SERPINB8: variants seen among roughly 807,000 people sequenced by gnomAD.
SERPINB8 encodes the protein serpin B8.
Under a neutral mutation model 35.3 loss-of-function variants are expected in SERPINB8, and 25 were observed. That is an observed-to-expected ratio of 0.71 (90% CI 0.52 to 0.99). The LOEUF (loss-of-function observed/expected upper bound fraction) is 0.99, where lower values mean the gene tolerates loss of function less well. SERPINB8 is among the 50% of genes least tolerant of loss of function. The pLI, the probability that SERPINB8 is intolerant of heterozygous loss-of-function variation, is 0.00. For missense variants in SERPINB8, 484 were observed against 446.5 expected, an observed-to-expected ratio of 1.08 and a Z score of -0.76; for synonymous variants, 186 against 160.8, an observed-to-expected ratio of 1.16 and a Z score of -1.19.
At chr18:63,970,976 T>C (rs2050466482) in intron 1 of SERPINB8, among the ~76,000 whole-genome samples, 2 of 152,178 alleles carry the variant, frequency 1.3e-5, no homozygotes, top group African/African-American at 4.8e-5. Context: ...CTCTGGCTGC[T>C]GCTTCACTCC....
intron 7 of SERPINB8, among the ~76,000 whole-genome samples, chr18:64,015,654 T>G (rs1445750901): frequency 2.0e-5 from 3 of 152,210 alleles, no homozygotes. Context: ...TAGTTTCCAG[T>G]GAGAGCATGG....
chr18:63,989,972 A>G (rs1325957015), downstream of SERPINB8, among the ~76,000 whole-genome samples: 1 of 148,158 alleles, frequency 6.7e-6, no homozygotes, highest in African/African-American at 2.5e-5. Context: ...AAAAAAAACC[A>G]AAATGTGCTT....
exon 8 of SERPINB8, chr18:64,019,465 G>C (rs1402941607): frequency 6.6e-6 from 1 of 152,182 alleles, no homozygotes; most frequent in African/African-American, 2.4e-5. Context: ...CCATCCTCCA[G>C]ATTATTGCCA....
chr18:63,982,356 G>T (rs1203063935), intron 4 of SERPINB8, among the ~76,000 whole-genome samples: 4 of 152,150 alleles, frequency 2.6e-5, no homozygotes, highest in Non-Finnish European at 1.5e-5. Flanking sequence ...CATGGAGCCT[G>T]CAGTGTTCCC....
chr18:63,982,247 T>C (rs763365995), intron 4 of SERPINB8, among the ~76,000 whole-genome samples: 4 of 152,206 alleles, frequency 2.6e-5, no homozygotes, highest in South Asian at 2.1e-4. Flanking sequence ...AGTAGTTTGA[T>C]CTGCAGCCTT....
chr18:63,981,989 C>T, intron 4 of SERPINB8, 151 bp downstream of exon 4: 1 of 611,488 alleles, frequency 1.6e-6, no homozygotes, highest in Non-Finnish European at 2.9e-6. Flanking sequence ...AGCAATGCAA[C>T]TCTGTCATTT....
chr18:63,991,507 GATTA>G (rs1345362527), downstream of SERPINB8, among the ~76,000 whole-genome samples: 3 of 151,938 alleles, frequency 2.0e-5, no homozygotes, highest in Non-Finnish European at 4.4e-5. Context: ...TTCAATTTCT[GATTA>G]ATTGTTGCTA....
exon 2 of SERPINB8, chr18:64,005,166 T>C: frequency 3.9e-6 from 1 of 259,564 alleles, no homozygotes; most frequent in Non-Finnish European, 7.2e-6. Flanking sequence ...CCACCACAAC[T>C]CTACCAAAGT....
intron 2 of SERPINB8, among the ~76,000 whole-genome samples, chr18:63,978,987 A>T (rs186013411): frequency 3.3e-5 from 5 of 152,330 alleles, no homozygotes; most frequent in African/African-American, 9.6e-5. Context: ...CAAAATGGTG[A>T]TGTATGACCT....
intron 7 of SERPINB8, among the ~76,000 whole-genome samples, chr18:64,017,475 T>G (rs1378155993): frequency 6.6e-6 from 1 of 152,184 alleles, no homozygotes; most frequent in Non-Finnish European, 1.5e-5. Flanking sequence ...TTGATGATGA[T>G]GATGAAGTTA....
chr18:64,007,028 T>TA (rs1159529558), downstream of SERPINB8, among the ~76,000 whole-genome samples: 3 of 151,686 alleles, frequency 2.0e-5, no homozygotes, highest in African/African-American at 7.3e-5. Flanking sequence ...AGAGAGGATC[T>TA]AAAAAATGAA....
exon 8 of SERPINB8, chr18:64,019,704 G>C (rs1375331450): frequency 6.6e-6 from 1 of 151,962 alleles, no homozygotes; most frequent in South Asian, 2.1e-4. Flanking sequence ...ATAAGTGACA[G>C]TGTGATTTGA....
downstream of SERPINB8, among the ~76,000 whole-genome samples, chr18:63,990,673 C>T (rs927178476): frequency 6.6e-6 from 1 of 151,204 alleles, no homozygotes; most frequent in Non-Finnish European, 1.5e-5. Flanking sequence ...TCCCTCCCCC[C>T]CACCCCACAA....
chr18:63,984,838 A>C (rs2050725725), intron 5 of SERPINB8, among the ~76,000 whole-genome samples: 1 of 151,930 alleles, frequency 6.6e-6, no homozygotes, highest in Non-Finnish European at 1.5e-5. Context: ...GCTTCTTCCA[A>C]GGATAATGTC....
chr18:63,983,446 T>G, intron 4 of SERPINB8, 133 bp from the exon 5 acceptor site: 1 of 780,516 alleles, frequency 1.3e-6, no homozygotes, highest in East Asian at 2.6e-5. Flanking sequence ...CATCGCCTAA[T>G]TCATCAGGGG....
intron 1 of SERPINB8, among the ~76,000 whole-genome samples, chr18:63,971,779 C>T (rs901241438): frequency 3.9e-5 from 6 of 152,176 alleles, no homozygotes; most frequent in Non-Finnish European, 8.8e-5. Context: ...GCTTTCCAGA[C>T]CATAATCTCA....
rs771028665 is a variant in SERPINB8 at position 63,985,095 on chromosome 18, A to G, written c.570A>G (p.Glu190=). 5 of 1,613,330 alleles carry G rather than the reference A, an allele frequency of 3.1e-6. No homozygotes were observed. Among genetic ancestry groups the G allele is most frequent in the Non-Finnish European group, 4.2e-6 (5 of 1,179,654 alleles). The part of the protein sequence containing the change: ...TRGMLFKTNE[E]KKTVQMMFKE... ...TCGAACTTTAATTTTTCCGTTAGGAAAAAAAGACAGTGCAGATGATGTTTA... is the reference window on the plus strand; with the variant it reads ...TCGAACTTTAATTTTTCCGTTAGGAGAAAAAGACAGTGCAGATGATGTTTA... Residue 190 remains glutamate (E), a splice_region_variant and synonymous_variant, in exon 6 of 7, where the codon GAA becomes GAG. Coordinates refer to ENST00000397985, the MANE Select transcript of SERPINB8 (RefSeq NM_002640.4).
At chr18:63,994,562 GTGT>G (rs2050839678) in intron 1 of SERPINB8, among the ~76,000 whole-genome samples, 1 of 152,134 alleles carries the variant, frequency 6.6e-6, no homozygotes, top group Non-Finnish European at 1.5e-5. Context: ...GTGTGCTAAT[GTGT>G]TGTTTACAGA....
At chr18:63,974,162 G>GT (rs144005621) in intron 1 of SERPINB8, among the ~76,000 whole-genome samples, 2 of 151,980 alleles carry the variant, frequency 1.3e-5, no homozygotes, top group African/African-American at 4.8e-5. Flanking sequence ...TTATTTACTT[G>GT]TTTTTTTCTG....
Sources: gnomAD v4.1 joint callset for allele counts (sites outside exome capture counted in the v4.1 genomes callset) on GRCh38, gnomAD v4.1.1 for gene constraint, MANE v1.5 for transcripts, NCBI Gene and HGNC (gene_info 2026-07-23, HGNC 2026-07-21) for gene names.